FGD5: variants seen among roughly 807,000 people sequenced by gnomAD.
FGD5 encodes the protein FYVE, RhoGEF and PH domain-containing protein 5.
Under a neutral mutation model 133.4 loss-of-function variants are expected in FGD5, and 28 were observed. The observed-to-expected ratio is 0.21, with a 90% confidence interval of 0.16 to 0.29. The LOEUF is 0.29. Among genes scored for constraint, FGD5 ranks in the 10% least tolerant of loss-of-function variants. FGD5 has a pLI of 1.00. For synonymous variants in FGD5, 810 were observed against 776.5 expected (o/e 1.04, Z -0.72); for missense variants, 1,858 against 1,895.2 (o/e 0.98, Z 0.36).
intron 4 of FGD5, among the ~76,000 whole-genome samples, chr3:14,885,277 T>C (rs1490036768): frequency 6.6e-6 from 1 of 151,560 alleles, no homozygotes; most frequent in Non-Finnish European, 1.5e-5. Context: ...TCTGTATTTA[T>C]TAGGCAAAAC....
Position 14,917,142 on chromosome 3 carries a change from G to C in FGD5, c.3406-107G>C. On this transcript the variant is annotated intron_variant, in intron 11 of 19. Transcript: ENST00000285046. The surrounding 1 kb of genome is among the most constrained non-coding windows in gnomAD (Gnocchi z 4.1). ...TTGCTCACCTGTGGGGGTTACTGAGGAATACAAGATGCCTGTGCACAGCGG... is the reference window on the plus strand; with the variant it reads ...TTGCTCACCTGTGGGGGTTACTGAGCAATACAAGATGCCTGTGCACAGCGG... 1.1e-6 allele frequency: 1 copy of C among 949,600 alleles called. No individual in the cohort carries two copies. The highest frequency in any genetic ancestry group is 1.6e-6 in the Non-Finnish European group (1 of 638,062). The allele number at this position is 949,600 out of a possible 1,614,324, so 58.8% of individuals were successfully genotyped here.
At position 14,934,216 on chromosome 3, in the gene FGD5, C is replaced by A. The variant is rs529864517; in HGVS notation, c.*1049C>A. ...TCTTGGCAGATGGCTCTGGGAACAG[C>A]GAGGGAGCACAGAAGTCGTGGCCTG... On this transcript the variant is annotated 3_prime_UTR_variant, in exon 20 of 20. Coordinates refer to ENST00000285046, the MANE Select transcript of FGD5 (RefSeq NM_152536.4). 6.6e-6 allele frequency: 1 copy of A among 152,160 alleles called. No individual in the cohort carries two copies. The highest frequency in any genetic ancestry group is 2.4e-5 in the African/African-American group (1 of 41,432). The allele number at this position is 152,160 out of a possible 1,614,324, so 9.4% of individuals were successfully genotyped here.
chr3:14,851,505 G>A (rs1483404451), intron 1 of FGD5, among the ~76,000 whole-genome samples: 3 of 152,210 alleles, frequency 2.0e-5, no homozygotes, highest in Non-Finnish European at 2.9e-5. Flanking sequence ...CCAGGCCTGT[G>A]ACCCAACAGT....
At chr3:14,918,604 C>G in intron 12 of FGD5, 150 bp from the exon 13 acceptor site, 1 of 737,136 alleles carries the variant, frequency 1.4e-6, no homozygotes, top group Non-Finnish European at 2.3e-6. Context: ...GCACCTTCCA[C>G]AGCACCTACC....
chr3:14,884,369 G>A (rs67913572), intron 4 of FGD5, among the ~76,000 whole-genome samples: 7,256 of 152,228 alleles, frequency 0.048, 312 homozygotes, highest in East Asian at 0.2. Context: ...CACACAGGAG[G>A]CCCACATGAC....
upstream of FGD5, among the ~76,000 whole-genome samples, chr3:14,815,483 G>A (rs928072438): frequency 3.3e-5 from 5 of 152,126 alleles, no homozygotes; most frequent in African/African-American, 1.2e-4. Context: ...GAGTCTGGGG[G>A]CTTTGTTATA....
chr3:14,837,747 G>A (rs961422186), intron 1 of FGD5, among the ~76,000 whole-genome samples: 1 of 152,192 alleles, frequency 6.6e-6, no homozygotes, highest in African/African-American at 2.4e-5. Flanking sequence ...GTCTCTAAGC[G>A]TGGAACTGGC....
chr3:14,820,404 G>A lies in FGD5; in HGVS notation c.1333G>A (p.Gly445Arg). ...GCCCGGTCAGGCGGCCCCTGGAGAAGGAGGGCAGGCTGCATCGGACGCCCT... is the reference window on the plus strand; with the variant it reads ...GCCCGGTCAGGCGGCCCCTGGAGAAAGAGGGCAGGCTGCATCGGACGCCCT... ...GLPGQAAPGE[G>R]GQAASDALGG... Residue 445 changes from glycine (G) to arginine (R), a missense_variant, in exon 1 of 20, where the codon GGA becomes AGA. Physicochemically the swap from Gly to Arg is moderately radical, Grantham distance 125 (BLOSUM62 -2). Transcript: ENST00000285046. The A allele has an allele frequency of 6.2e-7, 1 of 1,613,996 alleles. No individual in the cohort carries two copies. The highest frequency in any genetic ancestry group is 8.5e-7 in the Non-Finnish European group (1 of 1,179,886).
intron 4 of FGD5, among the ~76,000 whole-genome samples, chr3:14,892,424 C>T (rs2038047486): frequency 1.3e-5 from 2 of 152,082 alleles, no homozygotes; most frequent in African/African-American, 4.8e-5. Context: ...CCATCCAACT[C>T]TTAGTCTCAA....
chr3:14,912,538 C>T (rs2038468968), intron 11 of FGD5, among the ~76,000 whole-genome samples: 2 of 152,098 alleles, frequency 1.3e-5, no homozygotes, highest in African/African-American at 4.8e-5. Context: ...TTCTCTAGGT[C>T]GTTTTTTTTA....
At chr3:14,897,083 A>G (rs1027398051) in intron 4 of FGD5, 10 of 189,380 alleles carry the variant, frequency 5.3e-5, no homozygotes, top group Middle Eastern at 2.0e-3. Context: ...GTGGATGCCT[A>G]TAATTTCCTT....
In FGD5 at chr3:14,855,241, A is replaced by C. The variant is rs186427375; in HGVS notation, c.2526-8887A>C. On this transcript the variant is annotated intron_variant, in intron 1 of 19. Transcript: ENST00000285046. Reference sequence around the variant, plus strand: ...AGTGTTCCGTTGTGTATGTATTTTCATTATCCATTCATCTGTTGTTGGATA... The same window carrying C: ...AGTGTTCCGTTGTGTATGTATTTTCCTTATCCATTCATCTGTTGTTGGATA... 5.9e-5 allele frequency among the ~76,000 whole-genome samples: 9 copies of C among 152,162 alleles called. No homozygotes were observed. The East Asian group carries it at 1.7e-3, about 29-fold the overall frequency.
rs553948620 is a variant in FGD5 at position 14,915,102 on chromosome 3, G to T, written c.3406-2147G>T. On this transcript the variant is annotated intron_variant, in intron 11 of 19. Transcript: ENST00000285046. ...AGTTGAGGGCTGGAGGCGGAGGCCTGAAGCATTCCATACCTGGCCCCTACA... is the reference window on the plus strand; with the variant it reads ...AGTTGAGGGCTGGAGGCGGAGGCCTTAAGCATTCCATACCTGGCCCCTACA... Among the ~76,000 whole-genome samples, 50 of 152,348 alleles carry T rather than the reference G, an allele frequency of 3.3e-4. 1 individual carries two copies. In the South Asian group the frequency reaches 0.01, roughly 32 times the overall value.
intron 1 of FGD5, among the ~76,000 whole-genome samples, chr3:14,838,892 C>T (rs112605087): frequency 6.6e-6 from 1 of 152,182 alleles, no homozygotes; most frequent in Non-Finnish European, 1.5e-5. Context: ...TTTCCTACCC[C>T]CTCTGCCCCC....
At chr3:14,855,173 G>A (rs1034077131) in intron 1 of FGD5, among the ~76,000 whole-genome samples, 1 of 152,154 alleles carries the variant, frequency 6.6e-6, no homozygotes, top group African/African-American at 2.4e-5. Context: ...TCCCATTCAT[G>A]TTGCAACAAA....
At chr3:14,909,885 C>T (rs569732287) in intron 10 of FGD5, among the ~76,000 whole-genome samples, 1 of 151,846 alleles carries the variant, frequency 6.6e-6, no homozygotes, top group Non-Finnish European at 1.5e-5. Flanking sequence ...TCTGCCTCAG[C>T]CTCCCGAGTA....
chr3:14,816,985 C>T (rs990131953), upstream of FGD5, among the ~76,000 whole-genome samples: 1 of 152,114 alleles, frequency 6.6e-6, no homozygotes, highest in Non-Finnish European at 1.5e-5. Context: ...TGGACAGTAC[C>T]GTAGCCACCA....
At chr3:14,918,678 T>G (rs1270753537) in intron 12 of FGD5, 76 bp from the exon 13 acceptor site, 1 of 1,449,698 alleles carries the variant, frequency 6.9e-7, no homozygotes, top group East Asian at 2.3e-5. Flanking sequence ...CCTCTGTTCA[T>G]CTGCTGCCAG....
chr3:14,837,507 G>A (rs1314251740), intron 1 of FGD5, among the ~76,000 whole-genome samples: 1 of 152,202 alleles, frequency 6.6e-6, no homozygotes, highest in African/African-American at 2.4e-5. Flanking sequence ...TGGAGGACTA[G>A]CCTTCTCTAG....
Sources: gnomAD v4.1 joint callset for allele counts (sites outside exome capture counted in the v4.1 genomes callset) on GRCh38, gnomAD v4.1.1 for gene constraint, Gnocchi (gnomAD v3.1) non-coding constraint, MANE v1.5 for transcripts, NCBI Gene and HGNC (gene_info 2026-07-23, HGNC 2026-07-21) for gene names.